The following ESCO1 variants were observed in gnomAD, a reference collection of about 807,000 sequenced individuals.
ESCO1 encodes the protein N-acetyltransferase ESCO1.
In ESCO1, 33 loss-of-function variants were observed where a neutral mutation model predicts 83.5. The observed-to-expected ratio is 0.40, with a 90% confidence interval of 0.30 to 0.53. The LOEUF (loss-of-function observed/expected upper bound fraction) is 0.53, where lower values mean the gene tolerates loss of function less well. ESCO1 is among the 20% of genes least tolerant of loss of function. The pLI, the probability that ESCO1 is intolerant of heterozygous loss-of-function variation, is 0.63. For missense variants in ESCO1, 855 were observed against 968.0 expected, an observed-to-expected ratio of 0.88 and a Z score of 1.55; for synonymous variants, 332 against 324.3, an observed-to-expected ratio of 1.02 and a Z score of -0.25.
At chr18:21,544,604 G>A (rs2037948458) in intron 8 of ESCO1, among the ~76,000 whole-genome samples, 1 of 151,712 alleles carries the variant, frequency 6.6e-6, no homozygotes, top group East Asian at 1.9e-4. Flanking sequence ...ACTGCAGCTT[G>A]GGCAACAAGA....
At chr18:21,595,362 C>A in intron 1 of ESCO1, among the ~76,000 whole-genome samples, 1 of 106,054 alleles carries the variant, frequency 9.4e-6, no homozygotes, top group East Asian at 3.2e-4. Flanking sequence ...AAAACTCCGT[C>A]TCAAAAAAAA....
At chr18:21,562,202 A>G (rs1037606262) in intron 7 of ESCO1, among the ~76,000 whole-genome samples, 9 of 152,156 alleles carry the variant, frequency 5.9e-5, no homozygotes, top group Non-Finnish European at 1.2e-4. Context: ...TAATGTCTTA[A>G]AAGTCTGGGG....
At chr18:21,599,812 G>A (rs1035524919) in intron 1 of ESCO1, among the ~76,000 whole-genome samples, 1 of 152,154 alleles carries the variant, frequency 6.6e-6, no homozygotes, top group Non-Finnish European at 1.5e-5. Flanking sequence ...GGGAGAGGAG[G>A]TAGTCTTCGA....
intron 1 of ESCO1, among the ~76,000 whole-genome samples, chr18:21,587,493 T>C (rs1282406867): frequency 6.6e-6 from 1 of 152,250 alleles, no homozygotes; most frequent in East Asian, 1.9e-4. Context: ...GTCTATTTTA[T>C]CTAGGTTATC....
intron 1 of ESCO1, among the ~76,000 whole-genome samples, chr18:21,584,823 AC>A (rs1399108138): frequency 6.6e-6 from 1 of 151,950 alleles, no homozygotes; most frequent in Non-Finnish European, 1.5e-5. Flanking sequence ...CCCCATCTCA[AC>A]AACAACAACA....
intron 1 of ESCO1, among the ~76,000 whole-genome samples, chr18:21,587,070 C>A (rs1398148623): frequency 6.6e-6 from 1 of 152,124 alleles, no homozygotes; most frequent in East Asian, 1.9e-4. Flanking sequence ...ACCAACTGTG[C>A]ACTGCAGGGA....
At chr18:21,582,121 ACTGGGTAACCAT>A (rs946273151) in intron 2 of ESCO1, among the ~76,000 whole-genome samples, 3 of 152,104 alleles carry the variant, frequency 2.0e-5, no homozygotes, top group Admixed American at 2.0e-4. Context: ...TGTTAGAAAA[ACTGGGTAACCAT>A]CTAGGTAACC....
intron 8 of ESCO1, among the ~76,000 whole-genome samples, chr18:21,544,066 G>A (rs1285238820): frequency 1.3e-5 from 2 of 151,676 alleles, no homozygotes; most frequent in Non-Finnish European, 1.5e-5. Context: ...AAGGTCAGGA[G>A]ATCGAGACCA....
chr18:21,595,828 G>T (rs935474056), intron 1 of ESCO1, among the ~76,000 whole-genome samples: 18 of 151,710 alleles, frequency 1.2e-4, no homozygotes, highest in Non-Finnish European at 2.4e-4. Flanking sequence ...GCCGGGCATG[G>T]TGGCGGGCGC....
chr18:21,546,126 T>C (rs930816657), intron 8 of ESCO1, among the ~76,000 whole-genome samples: 10 of 152,200 alleles, frequency 6.6e-5, no homozygotes, highest in Non-Finnish European at 7.3e-5. Flanking sequence ...CAGTATAGCA[T>C]AGTGGTAAGG....
intron 1 of ESCO1, among the ~76,000 whole-genome samples, chr18:21,593,990 C>G (rs562647018): frequency 2.0e-5 from 3 of 152,248 alleles, no homozygotes; most frequent in Admixed American, 2.0e-4. Context: ...CACATAGAGT[C>G]TTTGTTATGG....
At position 21,575,195 on chromosome 18, in the gene ESCO1, A is replaced by G. The variant is rs1275391772; in HGVS notation, c.-352T>C. The G allele has an allele frequency of 5.2e-6, 2 of 381,428 alleles. No individual in the cohort carries two copies. The highest frequency in any genetic ancestry group is 2.1e-5 in the African/African-American group (1 of 48,196). 23.6% of individuals were successfully genotyped at this position (381,428 alleles called of 1,614,324 possible). On this transcript the variant is annotated 5_prime_UTR_variant, in exon 4 of 12. Transcript: ENST00000269214. ...TAATTTTTTAATTAATTTTGGTTTC[A>G]GGCCTAGCTCTATTACTGGAGGAGT...
intron 1 of ESCO1, among the ~76,000 whole-genome samples, chr18:21,587,557 T>C (rs2038599529): frequency 1.3e-5 from 2 of 152,366 alleles, no homozygotes; most frequent in Non-Finnish European, 1.5e-5. Flanking sequence ...TTTATTTTAG[T>C]AATATCTCTC....
intron 8 of ESCO1, among the ~76,000 whole-genome samples, chr18:21,547,463 T>C (rs917718365): frequency 6.6e-6 from 1 of 152,080 alleles, no homozygotes; most frequent in Non-Finnish European, 1.5e-5. Flanking sequence ...CTTTCTTTTC[T>C]ACTATGCCAC....
chr18:21,585,569 CTGTAGCTTTCT>C (rs2038563621), intron 1 of ESCO1, among the ~76,000 whole-genome samples: 2 of 152,184 alleles, frequency 1.3e-5, no homozygotes, highest in East Asian at 3.9e-4. Context: ...ATCTTGATTA[CTGTAGCTTTCT>C]AGTCAGTTTT....
chr18:21,583,464 T>C (rs957360461), intron 2 of ESCO1, among the ~76,000 whole-genome samples: 6 of 151,736 alleles, frequency 4.0e-5, no homozygotes, highest in Admixed American at 6.6e-5. Flanking sequence ...GGCAACACGG[T>C]GAAACCCCAT....
At chr18:21,589,456 C>T (rs1156817513) in intron 1 of ESCO1, among the ~76,000 whole-genome samples, 7 of 151,842 alleles carry the variant, frequency 4.6e-5, no homozygotes, top group Non-Finnish European at 1.0e-4. Context: ...GTCTCCTATC[C>T]AATCGTCTTG....
At chr18:21,538,163 G>A (rs2037859690) in intron 9 of ESCO1, among the ~76,000 whole-genome samples, 1 of 151,776 alleles carries the variant, frequency 6.6e-6, no homozygotes, top group Admixed American at 6.6e-5. Flanking sequence ...ATCAAAAGTT[G>A]TACTTGGGCT....
chr18:21,540,706 TA>T, intron 8 of ESCO1: 3 of 1,271,214 alleles, frequency 2.4e-6, no homozygotes, highest in Non-Finnish European at 3.0e-6. Context: ...AGAACCTGCA[TA>T]AAAAAACAAA....
Sources: allele counts gnomAD v4.1 joint callset (sites outside exome capture counted in the v4.1 genomes callset), GRCh38; gene constraint gnomAD v4.1.1; transcripts MANE v1.5; gene names NCBI Gene and HGNC (gene_info 2026-07-23, HGNC 2026-07-21).